The following TTC3 variants were observed in gnomAD, a reference collection of about 807,000 sequenced individuals.
TTC3 encodes E3 ubiquitin-protein ligase TTC3.
A neutral mutation model predicts 249.6 loss-of-function variants in TTC3; 180 were observed. That is an observed-to-expected ratio of 0.72 (90% CI 0.64 to 0.82). TTC3 has a LOEUF of 0.82. Ranked by LOEUF, TTC3 falls within the 40% of genes least tolerant of loss-of-function variation. The pLI, the probability that TTC3 is intolerant of heterozygous loss-of-function variation, is 0.00. For missense variants in TTC3, 2,061 were observed against 2,398.4 expected, an observed-to-expected ratio of 0.86 and a Z score of 2.94; for synonymous variants, 717 against 805.0, an observed-to-expected ratio of 0.89 and a Z score of 1.85.
intron 28 of TTC3, 167 bp downstream of exon 28, chr21:37,157,073 T>A: frequency 7.4e-7 from 1 of 1,342,600 alleles, no homozygotes; most frequent in Non-Finnish European, 1.0e-6. Context: ...TTTTTTTATA[T>A]CATGAAGCTT....
intron 11 of TTC3, among the ~76,000 whole-genome samples, chr21:37,112,809 C>T (rs978024209): frequency 2.6e-5 from 4 of 152,066 alleles, no homozygotes; most frequent in African/African-American, 9.7e-5. Flanking sequence ...ACTGGCAAAC[C>T]GAATCCAGCA....
At position 37,134,526 on chromosome 21, in the gene TTC3, C is replaced by A. The variant is rs1367933874; in HGVS notation, c.1444-854C>A. ...TTCCTCTGTGATTTGTGCAGTGGGG[C>A]CTCCTTTTGGATCTTCATTGTTAGG... On this transcript the variant is annotated intron_variant, in intron 17 of 45. Coordinates refer to ENST00000355666, the Ensembl canonical transcript of TTC3. Among the ~76,000 whole-genome samples, 6 of 151,966 alleles carry A rather than the reference C, an allele frequency of 3.9e-5. 1 individual carries two copies. The South Asian group carries it at 1.2e-3, about 32-fold the overall frequency.
At chr21:37,192,303 G>T in intron 41 of TTC3, 90 bp downstream of exon 41, 1 of 834,086 alleles carries the variant, frequency 1.2e-6, no homozygotes. Context: ...TCCTGGGAGT[G>T]AGGATGAGAT....
In TTC3 at chr21:37,139,533, A is replaced by G. The variant is rs142966994; in HGVS notation, c.1659+819A>G. Among the ~76,000 whole-genome samples the G allele has an allele frequency of 1.3e-3, 204 of 152,246 alleles. 2 individuals are homozygous for G. The highest frequency in any genetic ancestry group is 4.5e-3 in the African/African-American group (188 of 41,564). Reference sequence around the variant, plus strand: ...GATGAAGGTTTAACTCTAACTTGCCACCTAGTGAGGATCTAAGTAGTCTTT... The same window carrying G: ...GATGAAGGTTTAACTCTAACTTGCCGCCTAGTGAGGATCTAAGTAGTCTTT... On this transcript the variant is annotated intron_variant, in intron 19 of 45. Coordinates refer to ENST00000355666, the Ensembl canonical transcript of TTC3.
rs530320871 is a variant in TTC3, at chr21:37,154,530, C to T, written c.2740+1253C>T. Among the ~76,000 whole-genome samples the T allele has an allele frequency of 2.8e-4, 43 of 152,264 alleles. No homozygotes were observed. In the South Asian group the frequency reaches 7.5e-3, roughly 26 times the overall value. On this transcript the variant is annotated intron_variant, in intron 27 of 45. Coordinates refer to ENST00000355666, the Ensembl canonical transcript of TTC3. The stretch of plus-strand genomic sequence containing the variant: ...TAAAGTTAATGCTTGCTTTAACATG[C>T]TTTAGGAGATACTCAGGACTGGAGA...
chr21:37,123,992 G>A (rs574363278), intron 13 of TTC3, among the ~76,000 whole-genome samples: 4 of 151,554 alleles, frequency 2.6e-5, no homozygotes, highest in Admixed American at 2.0e-4. Flanking sequence ...CAAGTGATCC[G>A]CTCGCCTTGG....
At chr21:37,108,140 C>T (rs1175493608) in intron 10 of TTC3, 1 of 356,948 alleles carries the variant, frequency 2.8e-6, no homozygotes, top group Non-Finnish European at 5.1e-6. Flanking sequence ...GCAAGAAATA[C>T]TTCAGAAATA....
At chr21:37,142,974 TG>T (rs2078633485) in intron 20 of TTC3, among the ~76,000 whole-genome samples, 2 of 152,160 alleles carry the variant, frequency 1.3e-5, no homozygotes, top group African/African-American at 4.8e-5. Flanking sequence ...TTGACAAACC[TG>T]ACAAAAACAA....
At chr21:37,092,506 T>G (rs1055205409) in intron 7 of TTC3, among the ~76,000 whole-genome samples, 57 of 152,220 alleles carry the variant, frequency 3.7e-4, no homozygotes, top group African/African-American at 1.4e-3. Context: ...TTATAATAGC[T>G]CTGCAAGGTG....
At chr21:37,080,608 C>G (rs1200591809) in intron 1 of TTC3, among the ~76,000 whole-genome samples, 3 of 152,108 alleles carry the variant, frequency 2.0e-5, no homozygotes, top group Non-Finnish European at 2.9e-5. Context: ...TCCTGTAGTT[C>G]TAACAATTTT....
At chr21:37,175,479 C>A (rs956154254) in intron 35 of TTC3, among the ~76,000 whole-genome samples, 1 of 150,758 alleles carries the variant, frequency 6.6e-6, no homozygotes, top group Admixed American at 6.6e-5. Flanking sequence ...CGCCTGTAAT[C>A]CCAGCTACTC....
intron 11 of TTC3, among the ~76,000 whole-genome samples, chr21:37,115,146 T>A (rs1241420903): frequency 1.4e-5 from 2 of 147,366 alleles, no homozygotes; most frequent in African/African-American, 2.6e-5. Context: ...AACCTGCACG[T>A]TGTGCACATG....
At chr21:37,115,774 C>T (rs1369120081) in intron 11 of TTC3, among the ~76,000 whole-genome samples, 2 of 152,222 alleles carry the variant, frequency 1.3e-5, no homozygotes, top group African/African-American at 4.8e-5. Context: ...GTTCCTCAGA[C>T]ATTCCAGGCC....
chr21:37,114,331 C>T (rs1265496208), intron 11 of TTC3, among the ~76,000 whole-genome samples: 2 of 151,948 alleles, frequency 1.3e-5, no homozygotes, highest in Non-Finnish European at 2.9e-5. Context: ...TGAACTCAAA[C>T]AAATTTACAA....
intron 21 of TTC3, among the ~76,000 whole-genome samples, chr21:37,146,978 T>C (rs1211213790): frequency 2.0e-5 from 3 of 151,994 alleles, no homozygotes; most frequent in Non-Finnish European, 1.5e-5. Flanking sequence ...ATGGCATGAG[T>C]CTCTTGGGGG....
In TTC3 at chr21:37,088,242, G is replaced by A. The variant is rs1374697354; in HGVS notation, c.234G>A (p.Leu78=). 1.9e-6 allele frequency: 3 copies of A among 1,612,336 alleles called. No individual in the cohort carries two copies. The East Asian group carries it at 6.7e-5, about 36-fold the overall frequency. Residue 78 remains leucine (L), a synonymous_variant, in exon 4 of 46, where the codon CTG becomes CTA. Coordinates refer to ENST00000355666, the Ensembl canonical transcript of TTC3. Reference sequence around the variant, plus strand: ...GGTGTAGTAAACCAATTTCTGTCCTGCAAGATTATTGCGATGCCATTAAAA... The same window carrying A: ...GGTGTAGTAAACCAATTTCTGTCCTACAAGATTATTGCGATGCCATTAAAA...
At chr21:37,146,119 A>G (rs1392929843) in intron 21 of TTC3, among the ~76,000 whole-genome samples, 1 of 152,224 alleles carries the variant, frequency 6.6e-6, no homozygotes, top group Non-Finnish European at 1.5e-5. Flanking sequence ...AAATAGCCCA[A>G]GTATTCGTGA....
chr21:37,086,024 T>G (rs1400212592), intron 1 of TTC3: 1 of 152,232 alleles, frequency 6.6e-6, no homozygotes, highest in African/African-American at 2.4e-5. Flanking sequence ...TAAGAAGAAT[T>G]GCTGTGAAGA....
chr21:37,144,633 A>C (rs1204903327), exon 21 of TTC3: 1 of 1,607,116 alleles, frequency 6.2e-7, no homozygotes, highest in Non-Finnish European at 8.5e-7. Flanking sequence ...AGTCTCAGCC[A>C]CAAAAAATAA....
Sources: gnomAD v4.1 joint callset for allele counts (sites outside exome capture counted in the v4.1 genomes callset) on GRCh38, gnomAD v4.1.1 for gene constraint, MANE v1.5 for transcripts, NCBI Gene and HGNC (gene_info 2026-07-23, HGNC 2026-07-21) for gene names.